The following VPS8 variants were observed in gnomAD, a reference collection of about 807,000 sequenced individuals.
The protein encoded by VPS8 is vacuolar protein sorting-associated protein 8 homolog.
VPS8 carries 129 observed loss-of-function variants against 216.4 expected under a neutral mutation model. That is an observed-to-expected ratio of 0.60 (90% CI 0.52 to 0.69). The LOEUF (loss-of-function observed/expected upper bound fraction) is 0.69, where lower values mean the gene tolerates loss of function less well. VPS8 is among the 30% of genes least tolerant of loss of function. VPS8 has a pLI of 0.00. For synonymous variants in VPS8, 571 were observed against 565.4 expected (o/e 1.01, Z -0.14); for missense variants, 1,531 against 1,683.5 (o/e 0.91, Z 1.59).
At chr3:184,880,764 C>T (rs112911870) in intron 21 of VPS8, among the ~76,000 whole-genome samples, 1,935 of 152,244 alleles carry the variant, frequency 0.013, 23 homozygotes, top group Non-Finnish European at 0.021. Context: ...AATGCCAGTA[C>T]CATTTCGCAT....
chr3:184,849,049 C>T (rs763802150), intron 8 of VPS8, 22 bp from the exon 9 acceptor site: 97 of 1,611,258 alleles, frequency 6.0e-5, no homozygotes, highest in Non-Finnish European at 7.8e-5. Context: ...CTTCACTTGA[C>T]TTTAAAAACT....
intron 22 of VPS8, among the ~76,000 whole-genome samples, chr3:184,892,466 C>T (rs1732529777): frequency 6.6e-6 from 1 of 152,180 alleles, no homozygotes. Context: ...ATCTGCCTGC[C>T]TTGGCCTCCC....
chr3:184,984,419 G>A (rs1430553465), intron 42 of VPS8, among the ~76,000 whole-genome samples: 2 of 150,172 alleles, frequency 1.3e-5, no homozygotes, highest in African/African-American at 2.4e-5. Flanking sequence ...TCAGCCTCCC[G>A]AGTAGCTGGG....
chr3:184,889,997 C>T (rs1018701027), intron 22 of VPS8, among the ~76,000 whole-genome samples: 1 of 152,164 alleles, frequency 6.6e-6, no homozygotes, highest in African/African-American at 2.4e-5. Context: ...TTCAGTCTAA[C>T]CACTTAAATG....
In VPS8 at chr3:184,812,231, G is replaced by C. The variant is rs896877231; in HGVS notation, c.-89+6G>C. 3 of 152,418 alleles carry C rather than the reference G, an allele frequency of 2.0e-5. No individual in the cohort carries two copies. The highest frequency in any genetic ancestry group is 6.5e-5 in the Admixed American group (1 of 15,290). 9.4% of individuals were successfully genotyped at this position (152,418 alleles called of 1,614,324 possible). On this transcript the variant is annotated splice_donor_region_variant and intron_variant, in intron 1 of 47. Coordinates refer to ENST00000625842, the MANE Select transcript of VPS8 (RefSeq NM_001009921.3). ...CGGAATGGCAGCAAGCTCAGGTAAC[G>C]AGTTTCCAGAGAGCGGGCCCGTGGA...
chr3:184,883,989 G>A (rs916233826), intron 21 of VPS8, among the ~76,000 whole-genome samples: 1 of 152,094 alleles, frequency 6.6e-6, no homozygotes, highest in Non-Finnish European at 1.5e-5. Context: ...GACTTTATCA[G>A]TAGCTATTTT....
At chr3:185,011,533 A>G (rs1350352750) in intron 45 of VPS8, among the ~76,000 whole-genome samples, 2 of 152,266 alleles carry the variant, frequency 1.3e-5, no homozygotes, top group Non-Finnish European at 2.9e-5. Flanking sequence ...AATTGTGTAC[A>G]GACAGACAGT....
chr3:185,004,341 G>A (rs1162692095), intron 45 of VPS8, among the ~76,000 whole-genome samples: 4 of 152,086 alleles, frequency 2.6e-5, no homozygotes, highest in Admixed American at 1.3e-4. Flanking sequence ...CCAGTCAGGC[G>A]TGGCGGCGCG....
Position 184,873,987 on chromosome 3 carries a change from T to G in VPS8, c.1734+3182T>G, listed in dbSNP as rs778941919. Among the ~76,000 whole-genome samples the G allele has an allele frequency of 3.0e-4, 46 of 152,134 alleles. 3 individuals are homozygous for G. Among genetic ancestry groups the G allele is most frequent in the Admixed American group, 6.5e-5 (1 of 15,268 alleles). On this transcript the variant is annotated intron_variant, in intron 21 of 47. Coordinates refer to ENST00000625842, the MANE Select transcript of VPS8 (RefSeq NM_001009921.3). Reference sequence around the variant, plus strand: ...CTTCAGTGCATTAGGATAGGTGAAGTGCATGCACCGTCAGCCACAAATCCG... The same window carrying G: ...CTTCAGTGCATTAGGATAGGTGAAGGGCATGCACCGTCAGCCACAAATCCG...
chr3:184,913,516 T>C lies in VPS8; in HGVS notation c.2147-3T>C. 6.3e-7 allele frequency: 1 copy of C among 1,585,662 alleles called. No individual in the cohort carries two copies. The highest frequency in any genetic ancestry group is 8.6e-7 in the Non-Finnish European group (1 of 1,167,704). On this transcript the variant is annotated splice_region_variant and splice_polypyrimidine_tract_variant and intron_variant, in intron 25 of 47. Coordinates refer to ENST00000625842, the MANE Select transcript of VPS8 (RefSeq NM_001009921.3). Reference sequence around the variant, plus strand: ...GCTGAAGATACTTCTCTTTCTATTTTAGATGAACAAGTTGTTATGGGCAAT... The same window carrying C: ...GCTGAAGATACTTCTCTTTCTATTTCAGATGAACAAGTTGTTATGGGCAAT...
In VPS8 at chr3:184,941,418, CTT is replaced by C. The variant is rs560431751; in HGVS notation, c.3035+1193_3035+1194del. 1.6e-3 allele frequency among the ~76,000 whole-genome samples: 210 copies of C among 135,466 alleles called. 1 individual carries two copies. Among genetic ancestry groups the C allele is most frequent in the African/African-American group, 4.4e-3 (162 of 36,538 alleles). The allele number at this position is 135,466 out of a possible 152,430, so 88.9% of individuals were successfully genotyped here. On this transcript the variant is annotated intron_variant, in intron 36 of 47. Transcript: ENST00000625842. ...CAGATTATTACTGAGGGTAGACATC[CTT>C]TTTTTTTTTTTTTTTTTAAATTCCT...
chr3:185,018,082 G>T (rs2110040774), intron 45 of VPS8, among the ~76,000 whole-genome samples: 1 of 152,254 alleles, frequency 6.6e-6, no homozygotes, highest in Non-Finnish European at 1.5e-5. Context: ...TCTCAGTCCT[G>T]CCATTGCCTG....
chr3:184,957,024 G>A (rs956309628), intron 36 of VPS8, among the ~76,000 whole-genome samples: 1 of 152,170 alleles, frequency 6.6e-6, no homozygotes, highest in Non-Finnish European at 1.5e-5. Context: ...ATTGGAAGAT[G>A]GTTATATATA....
At chr3:184,982,449 G>T in intron 40 of VPS8, 117 bp from the exon 41 acceptor site, 15 of 574,696 alleles carry the variant, frequency 2.6e-5, no homozygotes, top group Admixed American at 3.7e-5. Context: ...ACCAACAAAT[G>T]TATGTGAGAA....
chr3:184,920,340 CAA>C (rs1738389747), intron 29 of VPS8, 142 bp downstream of exon 29: 1 of 570,982 alleles, frequency 1.8e-6, no homozygotes, highest in Admixed American at 3.9e-5. Context: ...TCTTTGTTCT[CAA>C]GAGCTGAATT....
At position 184,898,549 on chromosome 3, in the gene VPS8, C is replaced by T; in HGVS notation, c.2005-16C>T. Reference sequence around the variant, plus strand: ...TGACTGAATTGTATGGACCAAGTGGCTTTTCCTTTTCACAGGTAGTTCTCA... The same window carrying T: ...TGACTGAATTGTATGGACCAAGTGGTTTTTCCTTTTCACAGGTAGTTCTCA... On this transcript the variant is annotated splice_polypyrimidine_tract_variant and intron_variant, in intron 23 of 47. Transcript: ENST00000625842. The T allele has an allele frequency of 1.3e-6, 2 of 1,544,460 alleles. No homozygotes were observed. The highest frequency in any genetic ancestry group is 8.8e-7 in the Non-Finnish European group (1 of 1,141,468).
intron 5 of VPS8, among the ~76,000 whole-genome samples, chr3:184,835,123 C>G (rs73051350): frequency 6.8e-6 from 1 of 147,626 alleles, no homozygotes; most frequent in East Asian, 2.0e-4. Context: ...TGATCAGAAT[C>G]TTTTACAACT....
intron 35 of VPS8, among the ~76,000 whole-genome samples, chr3:184,938,283 C>T (rs373752997): frequency 8.5e-5 from 13 of 152,244 alleles, no homozygotes; most frequent in African/African-American, 3.1e-4. Context: ...AAAGACTCAC[C>T]GATTAATTCA....
intron 45 of VPS8, among the ~76,000 whole-genome samples, chr3:185,000,346 T>A (rs1753229265): frequency 6.6e-6 from 1 of 152,200 alleles, no homozygotes; most frequent in Non-Finnish European, 1.5e-5. Flanking sequence ...AGCCTTTTTT[T>A]AAAGCAGACA....
Sources: allele counts gnomAD v4.1 joint callset (sites outside exome capture counted in the v4.1 genomes callset), GRCh38; gene constraint gnomAD v4.1.1; transcripts MANE v1.5; gene names NCBI Gene and HGNC (gene_info 2026-07-23, HGNC 2026-07-21).